Variants in MBD5 observed in about 807,000 individuals in gnomAD.
MBD5 encodes methyl-CpG binding domain protein 5.
In MBD5, 13 loss-of-function variants were observed where a neutral mutation model predicts 117.3. That is an observed-to-expected ratio of 0.11 (90% CI 0.07 to 0.18). MBD5 has a LOEUF of 0.18. Ranked by LOEUF, MBD5 falls within the 10% of genes least tolerant of loss-of-function variation. The pLI is 1.00. For missense variants in MBD5, 1,879 were observed against 2,093.8 expected (o/e 0.90, Z 2.00); for synonymous variants, 727 against 766.4 (o/e 0.95, Z 0.85).
At chr2:148,420,540 C>A (rs2105258059) in intron 4 of MBD5, among the ~76,000 whole-genome samples, 1 of 152,282 alleles carries the variant, frequency 6.6e-6, no homozygotes, top group East Asian at 1.9e-4. Flanking sequence ...CTTTATTATT[C>A]TTCTCTGCCT....
intron 1 of MBD5, among the ~76,000 whole-genome samples, chr2:148,118,192 C>A (rs1696683550): frequency 6.6e-6 from 1 of 152,130 alleles, no homozygotes; most frequent in Non-Finnish European, 1.5e-5. Flanking sequence ...CATGAACTGA[C>A]TAAAATGATG....
At chr2:148,251,411 T>G (rs1422484985) in intron 3 of MBD5, among the ~76,000 whole-genome samples, 1 of 152,210 alleles carries the variant, frequency 6.6e-6, no homozygotes, top group African/African-American at 2.4e-5. Flanking sequence ...CTCATCATTC[T>G]TATCATCAAA....
chr2:148,191,020 A>C (rs527648183), intron 2 of MBD5, among the ~76,000 whole-genome samples: 2 of 150,014 alleles, frequency 1.3e-5, no homozygotes, highest in East Asian at 2.0e-4. Flanking sequence ...AGGCCATTAC[A>C]TAATGGTAAA....
At chr2:148,123,005 A>G (rs978068516) in intron 1 of MBD5, among the ~76,000 whole-genome samples, 1 of 152,178 alleles carries the variant, frequency 6.6e-6, no homozygotes, top group Non-Finnish European at 1.5e-5. Flanking sequence ...GGGGTGAGCA[A>G]TGAAGAGGTG....
chr2:148,343,288 C>G (rs1703000111), intron 4 of MBD5, among the ~76,000 whole-genome samples: 1 of 151,990 alleles, frequency 6.6e-6, no homozygotes, highest in Admixed American at 6.6e-5. Context: ...GGATATGTAC[C>G]AAGTAATGTG....
chr2:148,394,962 C>T (rs1254823415), intron 4 of MBD5, among the ~76,000 whole-genome samples: 2 of 152,136 alleles, frequency 1.3e-5, no homozygotes, highest in Non-Finnish European at 2.9e-5. Context: ...TCCAAGTTTA[C>T]TTTTCCTTTC....
intron 1 of MBD5, chr2:148,027,385 A>G (rs1205305104): frequency 2.6e-5 from 4 of 152,076 alleles, no homozygotes; most frequent in Admixed American, 2.6e-4. Context: ...TGAGTTTTAC[A>G]TCCTTTACTT....
chr2:148,216,803 C>A (rs1460592781), intron 2 of MBD5, among the ~76,000 whole-genome samples: 1 of 152,146 alleles, frequency 6.6e-6, no homozygotes, highest in East Asian at 1.9e-4. Context: ...ATCTTTACTT[C>A]TTCCGCTGAC....
intron 4 of MBD5, among the ~76,000 whole-genome samples, chr2:148,433,777 T>C (rs1574419223): frequency 2.0e-5 from 3 of 152,302 alleles, no homozygotes; most frequent in Admixed American, 1.3e-4. Flanking sequence ...GGTTTTTGCA[T>C]TGATGTTCAT....
At chr2:148,081,023 C>T (rs950677787) in intron 1 of MBD5, among the ~76,000 whole-genome samples, 4 of 152,098 alleles carry the variant, frequency 2.6e-5, no homozygotes, top group East Asian at 3.9e-4. Context: ...AATGTTTCAA[C>T]GGCACTTATA....
chr2:148,260,862 T>G (rs1259660174), intron 3 of MBD5, among the ~76,000 whole-genome samples: 1 of 152,240 alleles, frequency 6.6e-6, no homozygotes, highest in South Asian at 2.1e-4. Context: ...TGATGCATTT[T>G]CAAGTTGAAA....
At chr2:148,044,955 T>G (rs1694475237) in intron 1 of MBD5, 2 of 152,160 alleles carry the variant, frequency 1.3e-5, no homozygotes, top group African/African-American at 4.8e-5. Flanking sequence ...TGATACTGAT[T>G]TTTATGGTAT....
At chr2:148,231,876 A>AT in intron 2 of MBD5, among the ~76,000 whole-genome samples, 1 of 152,314 alleles carries the variant, frequency 6.6e-6, no homozygotes, top group Non-Finnish European at 1.5e-5. Context: ...GGAATTATAA[A>AT]TACTGTGAAT....
chr2:148,343,304 T>TG (rs1409809682), intron 4 of MBD5, among the ~76,000 whole-genome samples: 3 of 152,114 alleles, frequency 2.0e-5, no homozygotes, highest in Non-Finnish European at 4.4e-5. Flanking sequence ...ATGTGATTAC[T>TG]GGGTTGAATG....
intron 3 of MBD5, among the ~76,000 whole-genome samples, chr2:148,320,291 C>G (rs1027661908): frequency 3.3e-5 from 5 of 152,124 alleles, no homozygotes; most frequent in African/African-American, 1.2e-4. Context: ...CGATTTTCAT[C>G]TGCTCCTGCA....
intron 4 of MBD5, among the ~76,000 whole-genome samples, chr2:148,439,305 C>G (rs750472418): frequency 1.3e-5 from 2 of 152,116 alleles, no homozygotes; most frequent in African/African-American, 2.4e-5. Context: ...ATGATTGGGA[C>G]TAGTATGCCA....
intron 3 of MBD5, among the ~76,000 whole-genome samples, chr2:148,279,722 G>A (rs1357784827): frequency 3.9e-5 from 6 of 152,106 alleles, no homozygotes; most frequent in African/African-American, 7.2e-5. Flanking sequence ...ATTCCATTCT[G>A]ATAGTACTTT....
At chr2:148,314,657 C>G (rs12474154) in intron 3 of MBD5, among the ~76,000 whole-genome samples, 53 of 151,962 alleles carry the variant, frequency 3.5e-4, no homozygotes, top group African/African-American at 1.2e-3. Context: ...GGATTACAGA[C>G]GAGATCCAGC....
At chr2:148,347,928 C>T (rs934378515) in intron 4 of MBD5, among the ~76,000 whole-genome samples, 1 of 151,946 alleles carries the variant, frequency 6.6e-6, no homozygotes, top group Non-Finnish European at 1.5e-5. Flanking sequence ...GAATCCTACT[C>T]ATCCCTCAGG....
Sources: gnomAD v4.1 joint callset for allele counts (sites outside exome capture counted in the v4.1 genomes callset) on GRCh38, gnomAD v4.1.1 for gene constraint, MANE v1.5 for transcripts, NCBI Gene and HGNC (gene_info 2026-07-23, HGNC 2026-07-21) for gene names.